The following ITGA6 variants were observed in gnomAD, a reference collection of about 807,000 sequenced individuals.
ITGA6 encodes the protein integrin alpha-6.
A neutral mutation model predicts 133.6 loss-of-function variants in ITGA6; 63 were observed. That is an observed-to-expected ratio of 0.47 (90% confidence interval 0.38 to 0.58). The LOEUF (loss-of-function observed/expected upper bound fraction) is 0.58. ITGA6 is among the 20% of genes least tolerant of loss of function. ITGA6 has a pLI of 0.00. For missense variants in ITGA6, 1,068 were observed against 1,309.4 expected, an observed-to-expected ratio of 0.82 and a Z score of 2.85; for synonymous variants, 434 against 482.0, an observed-to-expected ratio of 0.90 and a Z score of 1.30.
At chr2:172,503,287 A>G (rs1687423408) in intron 25 of ITGA6, among the ~76,000 whole-genome samples, 1 of 152,092 alleles carries the variant, frequency 6.6e-6, no homozygotes, top group African/African-American at 2.4e-5. Context: ...TATTCTCAGT[A>G]AAAATATACT....
intron 19 of ITGA6, 60 bp from the exon 20 acceptor site, chr2:172,489,425 T>C (rs1264351548): frequency 7.6e-7 from 1 of 1,319,622 alleles, no homozygotes; most frequent in Non-Finnish European, 1.1e-6. Context: ...TAAAAGGAGC[T>C]GCTACTTAAA....
chr2:172,427,904 AC>A lies in ITGA6; in HGVS notation c.120del (p.Ser42AlafsTer88), dbSNP rs1198032643. ...GACAACGTGATCCGGAAATATGGAG[AC>A]CCCGGGAGCCTCTTCGGCTTCTCGC... ...REDNVIRKYG[D>X]PGSLFGFSLA... On this transcript the variant is annotated frameshift_variant, in exon 1 of 26. Transcript: ENST00000684293. LOFTEE classifies it high-confidence loss of function. 1.2e-6 allele frequency: 2 copies of A among 1,606,610 alleles called. No individual in the cohort carries two copies. Among genetic ancestry groups the A allele is most frequent in the East Asian group, 2.3e-5 (1 of 44,244 alleles).
Position 172,504,336 on chromosome 2 carries a change from C to A in ITGA6, c.*268C>A. 1 of 1,058,852 alleles carries A rather than the reference C, an allele frequency of 9.4e-7. No individual in the cohort carries two copies. Among genetic ancestry groups the A allele is most frequent in the Non-Finnish European group, 1.4e-6 (1 of 735,880 alleles). The allele number at this position is 1,058,852 out of a possible 1,614,324, so 65.6% of individuals were successfully genotyped here. On this transcript the variant is annotated 3_prime_UTR_variant, in exon 26 of 26. Transcript: ENST00000684293. ...TTCAATTTGGATTTAAAAGCCTGCTCAATCCCTGAGGACTGATTTCAGAGT... is the reference window on the plus strand; with the variant it reads ...TTCAATTTGGATTTAAAAGCCTGCTAAATCCCTGAGGACTGATTTCAGAGT...
intron 1 of ITGA6, among the ~76,000 whole-genome samples, chr2:172,454,968 C>A (rs1685154074): frequency 6.6e-6 from 1 of 152,038 alleles, no homozygotes; most frequent in African/African-American, 2.4e-5. Flanking sequence ...CATAACAAAC[C>A]TGCATGTGTA....
chr2:172,431,352 C>T (rs1684097658), intron 1 of ITGA6, among the ~76,000 whole-genome samples: 1 of 152,204 alleles, frequency 6.6e-6, no homozygotes, highest in Non-Finnish European at 1.5e-5. Context: ...CAGAAATGTT[C>T]TTCAGACCTA....
At position 172,501,829 on chromosome 2, in the gene ITGA6, G is replaced by A; in HGVS notation, c.3172G>A (p.Glu1058Lys). Reference protein sequence around the residue: ...DHYDATYHKAEIHAQPSDKER... With the variant: ...DHYDATYHKAKIHAQPSDKER... ...TTATGATGCCACATATCACAAGGCT[G>A]AGATCCATGCTCAGCCATCTGATAA... is the stretch of plus-strand genomic sequence containing the variant. Residue 1058 changes from glutamate to lysine, a missense_variant, in exon 25 of 26, where the codon GAG becomes AAG. This residue lies in a region of ITGA6 where 609 missense variants were observed against 707.2 expected (regional missense o/e 0.86). Transcript: ENST00000684293. 1 of 1,612,158 alleles carries A rather than the reference G, an allele frequency of 6.2e-7. No homozygotes were observed. Among genetic ancestry groups the A allele is most frequent in the Admixed American group, 1.7e-5 (1 of 60,018 alleles).
intron 1 of ITGA6, among the ~76,000 whole-genome samples, chr2:172,447,395 A>C (rs1262409738): frequency 6.6e-6 from 1 of 151,708 alleles, no homozygotes; most frequent in Non-Finnish European, 1.5e-5. Flanking sequence ...AGTAGAGACG[A>C]GGTTTTACCA....
At chr2:172,489,996 C>A in intron 20 of ITGA6, 1 of 264,194 alleles carries the variant, frequency 3.8e-6, no homozygotes, top group African/African-American at 2.2e-5. Flanking sequence ...AGGGGCCAGC[C>A]AGTGTTCACT....
intron 4 of ITGA6, among the ~76,000 whole-genome samples, chr2:172,470,533 TA>T (rs752489614): frequency 3.3e-5 from 5 of 152,172 alleles, no homozygotes; most frequent in Non-Finnish European, 5.9e-5. Flanking sequence ...TAAGAATTTT[TA>T]AAAGATGAAA....
intron 25 of ITGA6, among the ~76,000 whole-genome samples, chr2:172,502,333 G>A (rs1048939585): frequency 9.9e-5 from 15 of 152,228 alleles, no homozygotes; most frequent in South Asian, 4.2e-4. Context: ...TGTGTCGACC[G>A]CCTAATTAAC....
chr2:172,504,279 C>G lies in ITGA6; in HGVS notation c.*211C>G. On this transcript the variant is annotated 3_prime_UTR_variant, in exon 26 of 26. Coordinates refer to ENST00000684293, the MANE Select transcript of ITGA6 (RefSeq NM_000210.4). Reference sequence around the variant, plus strand: ...GGGGGCCTAAAAAAAAAAAGCTTCACAGTACCCAAACTGCTTTTTCCAACT... The same window carrying G: ...GGGGGCCTAAAAAAAAAAAGCTTCAGAGTACCCAAACTGCTTTTTCCAACT... 6.7e-7 allele frequency: 1 copy of G among 1,493,354 alleles called. No homozygotes were observed. Among genetic ancestry groups the G allele is most frequent in the African/African-American group, 1.4e-5 (1 of 70,138 alleles). The allele number at this position is 1,493,354 out of a possible 1,614,324, so 92.5% of individuals were successfully genotyped here. A position where few individuals can be genotyped will look rare whatever the true frequency, so the allele number is the denominator to read the frequency against.
At chr2:172,430,293 C>T (rs1258427624) in intron 1 of ITGA6, among the ~76,000 whole-genome samples, 1 of 152,234 alleles carries the variant, frequency 6.6e-6, no homozygotes, top group Non-Finnish European at 1.5e-5. Flanking sequence ...TGTGTACCTA[C>T]TGTGTGTCAG....
intron 25 of ITGA6, among the ~76,000 whole-genome samples, chr2:172,502,106 A>T (rs1467596188): frequency 1.3e-5 from 2 of 152,304 alleles, no homozygotes; most frequent in East Asian, 3.9e-4. Flanking sequence ...CTTTCGTTGC[A>T]GGTGAGTTAT....
In ITGA6 at chr2:172,469,183, A is replaced by G; in HGVS notation, c.446A>G (p.Asp149Gly). 1 of 1,614,150 alleles carries G rather than the reference A, an allele frequency of 6.2e-7. No individual in the cohort carries two copies. The highest frequency in any genetic ancestry group is 1.3e-5 in the African/African-American group (1 of 75,036). Residue 149 changes from aspartate (D) to glycine (G), a missense_variant, in exon 4 of 26, where the codon GAC becomes GGC. Asp to Gly is a moderately conservative substitution (Grantham distance 94). Coordinates refer to ENST00000684293, the MANE Select transcript of ITGA6 (RefSeq NM_000210.4). The stretch of plus-strand genomic sequence containing the variant: ...GTTAATACGAAGCAGGAATCCCGAG[A>G]CATCTTTGGGCGGTGTTATGTCCTG... The part of the protein sequence containing the change: ...QHVNTKQESR[D>G]IFGRCYVLSQ...
At chr2:172,493,305 C>G (rs1439289706) in intron 23 of ITGA6, among the ~76,000 whole-genome samples, 1 of 152,184 alleles carries the variant, frequency 6.6e-6, no homozygotes, top group Non-Finnish European at 1.5e-5. Context: ...GACATATCAA[C>G]AGGCATCATA....
chr2:172,449,212 C>G (rs889821965), intron 1 of ITGA6, among the ~76,000 whole-genome samples: 1 of 152,184 alleles, frequency 6.6e-6, no homozygotes, highest in African/African-American at 2.4e-5. Context: ...CAGGGAATGT[C>G]TGGGCCTCAG....
intron 1 of ITGA6, among the ~76,000 whole-genome samples, chr2:172,462,412 T>C (rs1056747212): frequency 1.3e-5 from 2 of 152,330 alleles, no homozygotes; most frequent in East Asian, 1.9e-4. Context: ...TGTGGGTACA[T>C]TTCTCTTGTC....
intron 23 of ITGA6, 35 bp from the exon 24 acceptor site, chr2:172,497,940 T>C (rs1687196136): frequency 6.2e-7 from 1 of 1,612,718 alleles, no homozygotes; most frequent in East Asian, 2.2e-5. Flanking sequence ...CTTGCCGCTG[T>C]ATGTAGTAAT....
chr2:172,480,571 G>C (rs1686397169), intron 11 of ITGA6, among the ~76,000 whole-genome samples: 1 of 152,116 alleles, frequency 6.6e-6, no homozygotes, highest in African/African-American at 2.4e-5. Flanking sequence ...AGCCGGCCCT[G>C]AGAGGTCAGA....
Sources: gnomAD v4.1 joint callset for allele counts (sites outside exome capture counted in the v4.1 genomes callset) on GRCh38, gnomAD v4.1.1 for gene constraint, gnomAD v4.1.1 regional missense constraint, MANE v1.5 for transcripts, NCBI Gene and HGNC (gene_info 2026-07-23, HGNC 2026-07-21) for gene names.